CLSTN2: variants seen among roughly 807,000 people sequenced by gnomAD.
CLSTN2 encodes the protein calsyntenin 2.
CLSTN2 carries 48 observed loss-of-function variants against 101.2 expected under a neutral mutation model. That is an observed-to-expected ratio of 0.47 (90% CI 0.38 to 0.60). The LOEUF (loss-of-function observed/expected upper bound fraction) is 0.60. Among genes scored for constraint, CLSTN2 ranks in the 20% least tolerant of loss-of-function variants. CLSTN2 has a pLI of 0.00. For missense variants in CLSTN2, 1,160 were observed against 1,238.2 expected (o/e 0.94, Z 0.95); for synonymous variants, 481 against 463.6 (o/e 1.04, Z -0.48).
intron 2 of CLSTN2, among the ~76,000 whole-genome samples, chr3:140,243,863 G>A (rs553762008): frequency 4.6e-5 from 7 of 152,320 alleles, no homozygotes; most frequent in African/African-American, 1.4e-4. Flanking sequence ...CCTGAATGGC[G>A]CAAGTGAGAA....
chr3:140,109,785 T>C (rs1014818190), intron 1 of CLSTN2, among the ~76,000 whole-genome samples: 1 of 152,162 alleles, frequency 6.6e-6, no homozygotes, highest in African/African-American at 2.4e-5. Context: ...AAAGTGACTA[T>C]GCCTGAGAAC....
intron 1 of CLSTN2, among the ~76,000 whole-genome samples, chr3:139,982,662 G>A (rs1475653310): frequency 1.3e-5 from 2 of 152,154 alleles, no homozygotes; most frequent in Non-Finnish European, 2.9e-5. Context: ...CTGTGTTGCT[G>A]CTAAAAATCC....
chr3:139,991,385 A>G (rs901033540), intron 1 of CLSTN2, among the ~76,000 whole-genome samples: 2 of 152,256 alleles, frequency 1.3e-5, no homozygotes, highest in Admixed American at 1.3e-4. Flanking sequence ...TAAGACAGTT[A>G]TTACTGTTTA....
chr3:139,958,014 C>T (rs751640371), intron 1 of CLSTN2, among the ~76,000 whole-genome samples: 5 of 152,178 alleles, frequency 3.3e-5, no homozygotes, highest in East Asian at 1.9e-4. Context: ...AGCTGTGAGG[C>T]CCCCGGTTTG....
chr3:140,064,724 T>C (rs1405428921), intron 1 of CLSTN2, among the ~76,000 whole-genome samples: 1 of 152,178 alleles, frequency 6.6e-6, no homozygotes, highest in Non-Finnish European at 1.5e-5. Flanking sequence ...AAGTAGAAAT[T>C]AATGTATTAG....
chr3:140,142,492 C>T (rs896157031), intron 1 of CLSTN2, among the ~76,000 whole-genome samples: 2 of 152,122 alleles, frequency 1.3e-5, no homozygotes, highest in Non-Finnish European at 2.9e-5. Flanking sequence ...AGAGCTGGGC[C>T]GCCCTATCCA....
intron 8 of CLSTN2, among the ~76,000 whole-genome samples, chr3:140,512,514 T>C (rs1396320154): frequency 3.9e-5 from 6 of 152,224 alleles, no homozygotes; most frequent in Non-Finnish European, 7.3e-5. Flanking sequence ...TTTTGATTAC[T>C]ATAGTCTTGT....
rs1015337370 is a variant in CLSTN2, at chr3:140,016,373, G to A, written c.109+80890G>A. Reference sequence around the variant, plus strand: ...AGCAAAATTTTAGAAAACATCTGACGTGCTAGGATAGGAATAGAATAGAAT... The same window carrying A: ...AGCAAAATTTTAGAAAACATCTGACATGCTAGGATAGGAATAGAATAGAAT... On this transcript the variant is annotated intron_variant, in intron 1 of 16. Transcript: ENST00000458420. 3.3e-5 allele frequency among the ~76,000 whole-genome samples: 5 copies of A among 152,198 alleles called. 1 individual carries two copies. The highest frequency in any genetic ancestry group is 7.2e-5 in the African/African-American group (3 of 41,456).
chr3:140,406,404 C>A (rs1156589694), intron 4 of CLSTN2, among the ~76,000 whole-genome samples: 1 of 152,076 alleles, frequency 6.6e-6, no homozygotes, highest in Non-Finnish European at 1.5e-5. Context: ...AATGCTAAAA[C>A]ATGGGGAAAA....
intron 1 of CLSTN2, among the ~76,000 whole-genome samples, chr3:139,979,049 C>T (rs891843064): frequency 6.6e-6 from 1 of 151,968 alleles, no homozygotes; most frequent in Non-Finnish European, 1.5e-5. Flanking sequence ...CCAGGGGATC[C>T]CCTTGTACAT....
chr3:140,236,253 C>T, intron 2 of CLSTN2, among the ~76,000 whole-genome samples: 1 of 152,078 alleles, frequency 6.6e-6, no homozygotes, highest in East Asian at 1.9e-4. Flanking sequence ...TAACATAGCC[C>T]TAAGAGTTAA....
intron 5 of CLSTN2, among the ~76,000 whole-genome samples, chr3:140,439,280 G>C (rs576475102): frequency 1.3e-5 from 2 of 152,362 alleles, no homozygotes; most frequent in South Asian, 4.1e-4. Flanking sequence ...AGTTCTCCTG[G>C]CTGGCAGTGA....
At chr3:140,410,395 A>G (rs1347149858) in intron 4 of CLSTN2, among the ~76,000 whole-genome samples, 1 of 144,050 alleles carries the variant, frequency 6.9e-6, no homozygotes, top group Non-Finnish European at 1.5e-5. Context: ...TATATTTAAG[A>G]TGCTGAAATA....
chr3:140,428,653 T>C (rs1219835900), intron 5 of CLSTN2, among the ~76,000 whole-genome samples: 3 of 152,182 alleles, frequency 2.0e-5, no homozygotes, highest in East Asian at 1.9e-4. Flanking sequence ...ACACCACCAG[T>C]TGGAAGAGTT....
chr3:140,564,534 G>T (rs1239013670), intron 16 of CLSTN2, among the ~76,000 whole-genome samples: 1 of 152,128 alleles, frequency 6.6e-6, no homozygotes, highest in African/African-American at 2.4e-5. Context: ...AGATGGCTTT[G>T]CTCTACACTG....
At chr3:140,195,865 A>G (rs2010636574) in intron 2 of CLSTN2, among the ~76,000 whole-genome samples, 1 of 152,228 alleles carries the variant, frequency 6.6e-6, no homozygotes, top group Non-Finnish European at 1.5e-5. Flanking sequence ...CCTATCCCAC[A>G]TTCATTCATA....
At chr3:140,517,103 CT>C (rs148361986) in intron 8 of CLSTN2, among the ~76,000 whole-genome samples, 15,934 of 152,214 alleles carry the variant, frequency 0.1, 1,043 homozygotes, top group Non-Finnish European at 0.15. Flanking sequence ...CTTTCTTCTA[CT>C]TGTTCCATTC....
At chr3:140,094,664 G>T (rs192215863) in intron 1 of CLSTN2, among the ~76,000 whole-genome samples, 2 of 152,282 alleles carry the variant, frequency 1.3e-5, no homozygotes, top group African/African-American at 4.8e-5. Context: ...AACAGCTAGG[G>T]TGCTGTGCAA....
intron 1 of CLSTN2, among the ~76,000 whole-genome samples, chr3:139,981,833 T>G (rs9850893): frequency 0.33 from 49,935 of 152,096 alleles, 10,139 homozygotes; most frequent in Non-Finnish European, 0.46. Context: ...CGTGCTACAA[T>G]GTAAGCAAAT....
Sources: allele counts gnomAD v4.1 joint callset (sites outside exome capture counted in the v4.1 genomes callset), GRCh38; gene constraint gnomAD v4.1.1; transcripts MANE v1.5; gene names NCBI Gene and HGNC (gene_info 2026-07-23, HGNC 2026-07-21).